DOCK3: variants seen among roughly 807,000 people sequenced by gnomAD.
The protein encoded by DOCK3 is dedicator of cytokinesis 3, also known as dedicator of cytokinesis protein 3.
Under a neutral mutation model 265.6 loss-of-function variants are expected in DOCK3, and 60 were observed. That is an observed-to-expected ratio of 0.23 (90% confidence interval 0.18 to 0.28). The LOEUF (loss-of-function observed/expected upper bound fraction) is 0.28, where lower values mean the gene tolerates loss of function less well. Ranked by LOEUF, DOCK3 falls within the 10% of genes least tolerant of loss-of-function variation. DOCK3 has a pLI of 1.00. For missense variants in DOCK3, 1,981 were observed against 2,594.3 expected (o/e 0.76, Z 5.14); for synonymous variants, 881 against 938.0 (o/e 0.94, Z 1.11).
intron 9 of DOCK3, among the ~76,000 whole-genome samples, chr3:51,123,241 C>A (rs1014327390): frequency 6.6e-6 from 1 of 152,152 alleles, no homozygotes; most frequent in Admixed American, 6.5e-5. Flanking sequence ...TCAGAACTCA[C>A]AAGGATTCCT....
At chr3:51,247,713 A>G (rs1369839490) in intron 22 of DOCK3, among the ~76,000 whole-genome samples, 2 of 152,166 alleles carry the variant, frequency 1.3e-5, no homozygotes, top group African/African-American at 4.8e-5. Context: ...GTCCTCTTTC[A>G]TACAAATGCC....
intron 13 of DOCK3, 86 bp downstream of exon 13, chr3:51,208,948 C>A: frequency 8.7e-7 from 1 of 1,147,108 alleles, no homozygotes; most frequent in Non-Finnish European, 1.3e-6. Context: ...TGCAGATTGG[C>A]TGCTGTATTC....
chr3:51,161,035 C>G (rs1194457128), intron 12 of DOCK3, among the ~76,000 whole-genome samples: 1 of 143,732 alleles, frequency 7.0e-6, no homozygotes, highest in East Asian at 2.1e-4. Context: ...GAGATTGCAT[C>G]ACTGCACTCT....
At chr3:50,838,228 A>G (rs1024850403) in intron 2 of DOCK3, among the ~76,000 whole-genome samples, 18 of 152,190 alleles carry the variant, frequency 1.2e-4, no homozygotes, top group African/African-American at 4.3e-4. Context: ...TATAGGTAGA[A>G]GGGATAGAAG....
At chr3:51,298,730 A>G (rs1333666179) in intron 27 of DOCK3, among the ~76,000 whole-genome samples, 1 of 152,010 alleles carries the variant, frequency 6.6e-6, no homozygotes, top group Non-Finnish European at 1.5e-5. Flanking sequence ...TGTCCCTGCA[A>G]AGGACATGAT....
intron 43 of DOCK3, 102 bp from the exon 44 acceptor site, chr3:51,356,860 G>A (rs2086399699): frequency 7.4e-7 from 1 of 1,359,376 alleles, no homozygotes; most frequent in Non-Finnish European, 9.9e-7. Flanking sequence ...ACAGGAACAA[G>A]GAAGGGGAAT....
At position 50,745,808 on chromosome 3, in the gene DOCK3, G is replaced by A. The variant is rs150845564; in HGVS notation, c.38-32867G>A. On this transcript the variant is annotated intron_variant, in intron 1 of 52. Transcript: ENST00000266037. ...TCTTCCCTAATCAGATCGTTCATCC[G>A]TGGTTGTTATAAGTGTCCAGTTCGG... Among the ~76,000 whole-genome samples the A allele has an allele frequency of 9.6e-3, 1,457 of 152,298 alleles. 32 individuals are homozygous for A. The highest frequency in any genetic ancestry group is 0.031 in the African/African-American group (1,298 of 41,564).
chr3:51,315,882 C>G (rs552113885), intron 32 of DOCK3, among the ~76,000 whole-genome samples: 1 of 152,072 alleles, frequency 6.6e-6, no homozygotes, highest in African/African-American at 2.4e-5. Flanking sequence ...GGAATTGTAC[C>G]AGTTCCCCAC....
At chr3:51,269,029 C>T (rs1029851088) in intron 23 of DOCK3, among the ~76,000 whole-genome samples, 12 of 151,688 alleles carry the variant, frequency 7.9e-5, no homozygotes, top group Admixed American at 1.3e-4. Context: ...CTGGTCTCGG[C>T]TAAGACCTGT....
At chr3:51,170,296 T>C (rs2086611771) in intron 12 of DOCK3, among the ~76,000 whole-genome samples, 1 of 152,114 alleles carries the variant, frequency 6.6e-6, no homozygotes, top group South Asian at 2.1e-4. Flanking sequence ...CACTTCATTT[T>C]TTTTTGCGGG....
At chr3:51,349,944 G>C (rs1301213965) in intron 39 of DOCK3, among the ~76,000 whole-genome samples, 3 of 152,186 alleles carry the variant, frequency 2.0e-5, no homozygotes, top group African/African-American at 7.2e-5. Context: ...GAAATCCCCA[G>C]GCAGAAAATG....
At chr3:50,933,897 T>C (rs2051211929) in intron 4 of DOCK3, 84 bp from the exon 5 acceptor site, 1 of 865,592 alleles carries the variant, frequency 1.2e-6, no homozygotes, top group African/African-American at 1.7e-5. Context: ...AAATTTGAGT[T>C]AAACAAGTAG....
intron 1 of DOCK3, among the ~76,000 whole-genome samples, chr3:50,710,972 A>C (rs1403314402): frequency 6.6e-6 from 1 of 152,236 alleles, no homozygotes; most frequent in Non-Finnish European, 1.5e-5. Context: ...TAAAGACATA[A>C]GAAGAGGGAT....
chr3:51,249,005 C>T (rs1464041431), intron 22 of DOCK3, among the ~76,000 whole-genome samples: 88 of 140,918 alleles, frequency 6.2e-4, no homozygotes, highest in Admixed American at 9.9e-4. Flanking sequence ...GCAGCCGCCC[C>T]GTCTGAGAAG....
At chr3:50,830,230 G>A (rs1012182936) in intron 2 of DOCK3, among the ~76,000 whole-genome samples, 3 of 152,150 alleles carry the variant, frequency 2.0e-5, no homozygotes, top group Non-Finnish European at 4.4e-5. Flanking sequence ...TTTTAAAAGG[G>A]TGTAGATTTT....
At chr3:51,199,024 C>T (rs548160134) in intron 12 of DOCK3, among the ~76,000 whole-genome samples, 266 of 151,834 alleles carry the variant, frequency 1.8e-3, no homozygotes, top group Middle Eastern at 6.8e-3. Flanking sequence ...AGGGAGACTC[C>T]GACTCAATAA....
Position 51,348,953 on chromosome 3 carries a change from T to TC in DOCK3, c.4002+21dup. On this transcript the variant is annotated intron_variant, in intron 39 of 52. Coordinates refer to ENST00000266037, the MANE Select transcript of DOCK3 (RefSeq NM_004947.5). The stretch of plus-strand genomic sequence containing the variant: ...GCTGGATTCGGGTGAGCTGTGCCCC[T>TC]CCCCCCACCCCAGCCCTGACTGGCA... 2 of 835,204 alleles carry TC rather than the reference T, an allele frequency of 2.4e-6. No homozygotes were observed. Among genetic ancestry groups the TC allele is most frequent in the Non-Finnish European group, 3.5e-6 (2 of 577,730 alleles). The allele number at this position is 835,204 out of a possible 1,614,324, so 51.7% of individuals were successfully genotyped here. A position where few individuals can be genotyped will look rare whatever the true frequency, so the allele number is the denominator to read the frequency against.
chr3:51,187,596 A>G (rs1436102025), intron 12 of DOCK3, among the ~76,000 whole-genome samples: 1 of 152,100 alleles, frequency 6.6e-6, no homozygotes, highest in East Asian at 1.9e-4. Context: ...TCCCCACCCA[A>G]ATCTCATCTT....
intron 3 of DOCK3, among the ~76,000 whole-genome samples, chr3:50,875,638 C>G (rs1436142368): frequency 6.6e-6 from 1 of 151,974 alleles, no homozygotes; most frequent in Non-Finnish European, 1.5e-5. Flanking sequence ...TCCTTGATTC[C>G]CTGGGATGAA....
Sources: allele counts gnomAD v4.1 joint callset (sites outside exome capture counted in the v4.1 genomes callset), GRCh38; gene constraint gnomAD v4.1.1; transcripts MANE v1.5; gene names NCBI Gene and HGNC (gene_info 2026-07-23, HGNC 2026-07-21).